The following STAC variants were observed in gnomAD, a reference collection of about 807,000 sequenced individuals.
The protein encoded by STAC is SH3 and cysteine rich domain.
STAC carries 43 observed loss-of-function variants against 48.8 expected under a neutral mutation model. The observed-to-expected ratio is 0.88, with a 90% CI of 0.69 to 1.14. The LOEUF is 1.14. STAC is among the 50% of genes most tolerant of loss of function. The pLI is 0.00. For missense variants in STAC, 497 were observed against 504.0 expected (o/e 0.99, Z 0.13); for synonymous variants, 193 against 179.5 (o/e 1.07, Z -0.60).
rs185189911 is a variant in STAC at position 36,450,016 on chromosome 3, T to C, written c.388+6376T>C. On this transcript the variant is annotated intron_variant, in intron 2 of 10. Coordinates refer to ENST00000273183, the MANE Select transcript of STAC (RefSeq NM_003149.3). ...ATCTGAATGCCCTTCCTTCCTACTC[T>C]ATCTTTCTATCAATCCAGTCCTACA... Among the ~76,000 whole-genome samples the C allele has an allele frequency of 5.8e-3, 796 of 136,772 alleles. 10 individuals are homozygous for C. Among genetic ancestry groups the C allele is most frequent in the African/African-American group, 0.019 (757 of 40,022 alleles). 89.7% of individuals were successfully genotyped at this position (136,772 alleles called of 152,430 possible). A position where few individuals can be genotyped will look rare whatever the true frequency, so the allele number is the denominator to read the frequency against.
intron 8 of STAC, among the ~76,000 whole-genome samples, chr3:36,509,378 T>C (rs1179197919): frequency 6.6e-6 from 1 of 152,178 alleles, no homozygotes; most frequent in Non-Finnish European, 1.5e-5. Flanking sequence ...CGATTATGTG[T>C]CTTGGGGTTG....
At chr3:36,407,832 AGGTTAGCTG>A (rs1391770477) in intron 1 of STAC, among the ~76,000 whole-genome samples, 10 of 152,234 alleles carry the variant, frequency 6.6e-5, no homozygotes, top group Non-Finnish European at 1.3e-4. Flanking sequence ...GTCTGGGTAT[AGGTTAGCTG>A]GATTCTCCCT....
At chr3:36,537,065 G>A (rs1699214930) in intron 10 of STAC, among the ~76,000 whole-genome samples, 1 of 152,188 alleles carries the variant, frequency 6.6e-6, no homozygotes. Flanking sequence ...TGATGAGGCT[G>A]TGGAGAAATA....
intron 1 of STAC, among the ~76,000 whole-genome samples, chr3:36,407,913 C>A (rs1003391721): frequency 2.0e-5 from 3 of 152,318 alleles, no homozygotes; most frequent in Admixed American, 6.5e-5. Flanking sequence ...GGCTTGGAGT[C>A]CTCTTCCAAG....
At position 36,486,269 on chromosome 3, in the gene STAC, C is replaced by G; in HGVS notation, c.687+20C>G. On this transcript the variant is annotated intron_variant, in intron 5 of 10. Transcript: ENST00000273183. ...ACCTCTGTAATTATCCTCTTCCTTCCTCGGTTTGTCTGTGGTGGTCTTGGG... is the reference window on the plus strand; with the variant it reads ...ACCTCTGTAATTATCCTCTTCCTTCGTCGGTTTGTCTGTGGTGGTCTTGGG... 1 of 1,605,238 alleles carries G rather than the reference C, an allele frequency of 6.2e-7. No individual in the cohort carries two copies. The highest frequency in any genetic ancestry group is 8.5e-7 in the Non-Finnish European group (1 of 1,173,924).
intron 2 of STAC, among the ~76,000 whole-genome samples, chr3:36,453,418 T>G (rs1253104851): frequency 2.6e-5 from 4 of 152,198 alleles, no homozygotes; most frequent in African/African-American, 9.6e-5. Context: ...GGGCGTGGGC[T>G]TGGCAGACCC....
intron 6 of STAC, among the ~76,000 whole-genome samples, 185 bp downstream of exon 6, chr3:36,493,414 T>C (rs1698047606): frequency 6.6e-6 from 1 of 152,174 alleles, no homozygotes; most frequent in African/African-American, 2.4e-5. Flanking sequence ...TGCTCTAATA[T>C]GTTCCTGAGT....
chr3:36,527,026 T>A (rs1349136397), intron 8 of STAC, among the ~76,000 whole-genome samples: 1 of 152,132 alleles, frequency 6.6e-6, no homozygotes, highest in African/African-American at 2.4e-5. Flanking sequence ...CGCTGCTCCC[T>A]TAAACAGAGC....
intron 5 of STAC, among the ~76,000 whole-genome samples, chr3:36,492,005 G>GAAAAAAAAAAAAA (rs1178508885): frequency 1.6e-4 from 1 of 6,430 alleles, no homozygotes; most frequent in Non-Finnish European, 2.6e-4. Context: ...TCCATCTCAA[G>GAAAAAAAAAAAAA]AAAAAAAAAA....
chr3:36,542,123 G>A (rs1426493217), intron 10 of STAC, among the ~76,000 whole-genome samples: 2 of 151,082 alleles, frequency 1.3e-5, no homozygotes, highest in Admixed American at 1.3e-4. Context: ...GAAGGGAGGG[G>A]AAAGGAGAAT....
chr3:36,406,906 A>G (rs992514642), intron 1 of STAC, among the ~76,000 whole-genome samples: 1 of 152,236 alleles, frequency 6.6e-6, no homozygotes, highest in Non-Finnish European at 1.5e-5. Flanking sequence ...GGAATAATCA[A>G]TGAATTAATG....
chr3:36,518,539 C>T (rs1291344454), intron 8 of STAC, among the ~76,000 whole-genome samples: 1 of 152,112 alleles, frequency 6.6e-6, no homozygotes, highest in African/African-American at 2.4e-5. Flanking sequence ...TGTCAGAACA[C>T]CTAAATTTGG....
intron 2 of STAC, among the ~76,000 whole-genome samples, chr3:36,452,918 C>A (rs542129989): frequency 6.6e-6 from 1 of 152,346 alleles, no homozygotes; most frequent in East Asian, 1.9e-4. Context: ...GCAAGGTGGG[C>A]TCAACAAGCC....
intron 2 of STAC, among the ~76,000 whole-genome samples, chr3:36,473,991 A>C (rs1249763400): frequency 6.6e-6 from 1 of 152,210 alleles, no homozygotes; most frequent in Non-Finnish European, 1.5e-5. Flanking sequence ...TGCACCTTTA[A>C]CTTCTAATAT....
chr3:36,446,889 C>G (rs1696522153), intron 2 of STAC, among the ~76,000 whole-genome samples: 1 of 152,142 alleles, frequency 6.6e-6, no homozygotes, highest in East Asian at 1.9e-4. Context: ...TTTCTTCATA[C>G]AGTTGCTACA....
intron 1 of STAC, among the ~76,000 whole-genome samples, chr3:36,436,650 C>CTAA (rs1373437939): frequency 3.9e-5 from 6 of 152,186 alleles, no homozygotes; most frequent in African/African-American, 9.7e-5. Flanking sequence ...TTGTCACCTT[C>CTAA]TAATGCCCAG....
chr3:36,524,338 A>G (rs1698876742), intron 8 of STAC, among the ~76,000 whole-genome samples: 1 of 152,158 alleles, frequency 6.6e-6, no homozygotes, highest in Admixed American at 6.5e-5. Context: ...TCACGCCTGT[A>G]ATCCCAGCAC....
At position 36,427,277 on chromosome 3, in the gene STAC, T is replaced by G. The variant is rs1183240453; in HGVS notation, c.112-16087T>G. 1.3e-5 allele frequency among the ~76,000 whole-genome samples: 2 copies of G among 152,218 alleles called. 1 individual carries two copies. Among genetic ancestry groups the G allele is most frequent in the Admixed American group, 1.3e-4 (2 of 15,284 alleles). ...TGTGAGCCTGTGAAACACCTCGACC[T>G]TCTTTCACATCCCAATATGCATCAT... is the stretch of plus-strand genomic sequence containing the variant. On this transcript the variant is annotated intron_variant, in intron 1 of 10. Coordinates refer to ENST00000273183, the MANE Select transcript of STAC (RefSeq NM_003149.3).
At chr3:36,387,634 C>A (rs1043467297) in intron 1 of STAC, among the ~76,000 whole-genome samples, 2 of 152,070 alleles carry the variant, frequency 1.3e-5, no homozygotes, top group African/African-American at 2.4e-5. Context: ...AATGTCTTCA[C>A]AGCTCATCTA....
Sources: gnomAD v4.1 joint callset for allele counts (sites outside exome capture counted in the v4.1 genomes callset) on GRCh38, gnomAD v4.1.1 for gene constraint, MANE v1.5 for transcripts, NCBI Gene and HGNC (gene_info 2026-07-23, HGNC 2026-07-21) for gene names.